Variants in MID1 observed in about 807,000 individuals in gnomAD.
The protein encoded by MID1 is midline 1.
A neutral mutation model predicts 40.4 loss-of-function variants in MID1; 7 were observed. The observed-to-expected ratio is 0.17, with a 90% confidence interval of 0.10 to 0.33. The LOEUF (loss-of-function observed/expected upper bound fraction) is 0.33. Ranked by LOEUF, MID1 falls within the 10% of genes least tolerant of loss-of-function variation. The pLI, the probability that MID1 is intolerant of heterozygous loss-of-function variation, is 1.00. For synonymous variants in MID1, 229 were observed against 221.2 expected (o/e 1.04, Z -0.31); for missense variants, 367 against 558.5 (o/e 0.66, Z 3.46).
intron 1 of MID1, among the ~76,000 whole-genome samples, chrX:10,783,145 G>A (rs1462881791): frequency 1.8e-5 from 2 of 111,634 alleles, no homozygotes; most frequent in Non-Finnish European, 3.8e-5. Context: ...TGGACAGCTA[G>A]TGGCTGGCCA....
chrX:10,680,524 T>G (rs185192067), intron 1 of MID1, among the ~76,000 whole-genome samples: 34 of 111,135 alleles, frequency 3.1e-4, no homozygotes, highest in Admixed American at 5.7e-4. Flanking sequence ...GGGTTTTTTG[T>G]TTTTTGTTTT....
chrX:10,471,020 A>T (rs1164687137), intron 6 of MID1, among the ~76,000 whole-genome samples: 1 of 111,794 alleles, frequency 8.9e-6, no homozygotes, highest in Non-Finnish European at 1.9e-5. Flanking sequence ...AGCAAAGTTG[A>T]GTAGTTGTGG....
intron 7 of MID1, among the ~76,000 whole-genome samples, chrX:10,468,532 A>T (rs57317792): frequency 0.022 from 2,476 of 112,332 alleles, 53 homozygotes; most frequent in African/African-American, 0.077. Context: ...ATTCTGTTCT[A>T]TTTTGACATA....
At chrX:10,487,127 T>A (rs989468924) in intron 4 of MID1, among the ~76,000 whole-genome samples, 4 of 112,195 alleles carry the variant, frequency 3.6e-5, no homozygotes, top group Non-Finnish European at 7.5e-5. Flanking sequence ...CCCAAAGTGC[T>A]GGGATTATAG....
At chrX:10,475,842 G>T (rs986403832) in intron 5 of MID1, among the ~76,000 whole-genome samples, 1 of 111,862 alleles carries the variant, frequency 8.9e-6, no homozygotes, top group East Asian at 2.8e-4. Flanking sequence ...GCTGGCAGCA[G>T]CAAGGAGGAG....
rs369272451 is a variant in MID1 at position 10,590,859 on chromosome X, G to A, written c.-56-23256C>T. Reference sequence around the variant, plus strand: ...AAGGTTATCCCTTATCCCCAAGGGAGTTGACTTAAGAGTTTTTTGTTGTTA... The same window carrying A: ...AAGGTTATCCCTTATCCCCAAGGGAATTGACTTAAGAGTTTTTTGTTGTTA... On this transcript the variant is annotated intron_variant, in intron 1 of 9. Transcript: ENST00000317552. Among the ~76,000 whole-genome samples the A allele has an allele frequency of 6.8e-4, 76 of 112,163 alleles. 1 individual carries two copies. In the East Asian group the frequency reaches 0.012, roughly 18 times the overall value.
chrX:10,761,581 A>T (rs1424312983), intron 1 of MID1, among the ~76,000 whole-genome samples: 1 of 112,026 alleles, frequency 8.9e-6, no homozygotes, highest in Admixed American at 9.5e-5. Context: ...CAAGGCTTCA[A>T]GAGGTCTTAT....
chrX:10,619,396 T>G (rs932735759), intron 1 of MID1, among the ~76,000 whole-genome samples: 5 of 111,240 alleles, frequency 4.5e-5, no homozygotes, highest in African/African-American at 1.7e-4. Flanking sequence ...TTGAAATCCC[T>G]GCCCTTCCAA....
chrX:10,516,143 T>C (rs1284984606), intron 3 of MID1, among the ~76,000 whole-genome samples: 1 of 107,731 alleles, frequency 9.3e-6, no homozygotes, highest in Non-Finnish European at 1.9e-5. Context: ...CATTAGTTTT[T>C]ACAATCCTAG....
At chrX:10,565,283 A>C in intron 2 of MID1, 3 of 331,431 alleles carry the variant, frequency 9.1e-6, no homozygotes. Flanking sequence ...GAAGTGAAAC[A>C]TGCTGCCCAG....
At chrX:10,676,499 T>C (rs2043024140) in intron 1 of MID1, among the ~76,000 whole-genome samples, 1 of 111,608 alleles carries the variant, frequency 9.0e-6, no homozygotes, top group Admixed American at 9.5e-5. Flanking sequence ...TCTCCTAGTG[T>C]GGACGAAAGG....
At position 10,817,793 on chromosome X, in the gene MID1, A is replaced by G. The variant is rs1410564456; in HGVS notation, c.-187+15761T>C. 3.7e-5 allele frequency among the ~76,000 whole-genome samples: 4 copies of G among 108,533 alleles called. No individual in the cohort carries two copies. In the Admixed American group the frequency reaches 3.9e-4, roughly 11 times the overall value. The allele number at this position is 108,533 out of a possible 115,157, so 94.2% of individuals were successfully genotyped here. A position where few individuals can be genotyped will look rare whatever the true frequency, so the allele number is the denominator to read the frequency against. Reference sequence around the variant, plus strand: ...CGCCACCACGCCTGGCAATTTTTGTACTTTTAGTAGAGACGGGGTTTTGCC... The same window carrying G: ...CGCCACCACGCCTGGCAATTTTTGTGCTTTTAGTAGAGACGGGGTTTTGCC... On this transcript the variant is annotated intron_variant, in intron 1 of 10. Coordinates refer to the MID1 transcript ENST00000380785.
At chrX:10,802,630 T>C (rs973040228) in intron 1 of MID1, among the ~76,000 whole-genome samples, 3 of 111,969 alleles carry the variant, frequency 2.7e-5, no homozygotes, top group African/African-American at 6.5e-5. Context: ...TTTTTCAAAG[T>C]ATTTAACAGA....
At chrX:10,727,083 T>C (rs1007894369) in intron 1 of MID1, among the ~76,000 whole-genome samples, 7 of 110,969 alleles carry the variant, frequency 6.3e-5, no homozygotes, top group African/African-American at 2.0e-4. Context: ...TGAAGACCCA[T>C]GCTGTTTCTA....
At chrX:10,726,661 C>G (rs987764497) in intron 1 of MID1, among the ~76,000 whole-genome samples, 1 of 112,457 alleles carries the variant, frequency 8.9e-6, no homozygotes, top group Non-Finnish European at 1.9e-5. Flanking sequence ...GAACCAAGTC[C>G]AAGAACAGCA....
At chrX:10,572,153 T>TTC (rs202217291) in intron 1 of MID1, among the ~76,000 whole-genome samples, 2 of 84,669 alleles carry the variant, frequency 2.4e-5, no homozygotes, top group African/African-American at 4.9e-5. Flanking sequence ...CTCTCTCTCT[T>TTC]TCTCTCTCTC....
At chrX:10,552,682 A>G (rs1933961582) in intron 2 of MID1, among the ~76,000 whole-genome samples, 1 of 110,741 alleles carries the variant, frequency 9.0e-6, no homozygotes, top group African/African-American at 3.3e-5. Context: ...CATTGTCCAT[A>G]TAACTACAGA....
intron 1 of MID1, among the ~76,000 whole-genome samples, chrX:10,775,087 T>G (rs1602569987): frequency 1.3e-5 from 1 of 77,766 alleles, no homozygotes; most frequent in African/African-American, 5.4e-5. Flanking sequence ...AATATGGGAG[T>G]GAGGAGAATG....
At chrX:10,770,442 T>C (rs917458644) in intron 1 of MID1, among the ~76,000 whole-genome samples, 5 of 111,908 alleles carry the variant, frequency 4.5e-5, no homozygotes, top group South Asian at 3.7e-4. Flanking sequence ...GGACCCCAAA[T>C]TGGGCAAATC....
Sources: gnomAD v4.1 joint callset for allele counts (sites outside exome capture counted in the v4.1 genomes callset) on GRCh38, gnomAD v4.1.1 for gene constraint, MANE v1.5 for transcripts, NCBI Gene and HGNC (gene_info 2026-07-23, HGNC 2026-07-21) for gene names.